C2CD2: variants seen among roughly 807,000 people sequenced by gnomAD.
C2CD2 encodes C2 domain-containing protein 2.
Under a neutral mutation model 74.3 loss-of-function variants are expected in C2CD2, and 43 were observed. The observed-to-expected ratio is 0.58, with a 90% confidence interval of 0.45 to 0.75. The LOEUF (loss-of-function observed/expected upper bound fraction) is 0.75. Ranked by LOEUF, C2CD2 falls within the 30% of genes least tolerant of loss-of-function variation. The pLI, the probability that C2CD2 is intolerant of heterozygous loss-of-function variation, is 0.00. For synonymous variants in C2CD2, 422 were observed against 390.7 expected, an observed-to-expected ratio of 1.08 and a Z score of -0.94; for missense variants, 801 against 916.3, an observed-to-expected ratio of 0.87 and a Z score of 1.63.
chr21:41,900,090 A>C lies in C2CD2; in HGVS notation c.1561-728T>G, dbSNP rs114136109. The stretch of plus-strand genomic sequence containing the variant: ...AGCGCCCACTGACTCAAGATTAGAT[A>C]ATCTCCCCGTCTCTACTTAAAAAAG... On this transcript the variant is annotated intron_variant, in intron 12 of 13. Coordinates refer to ENST00000380486, the MANE Select transcript of C2CD2 (RefSeq NM_015500.2). Among the ~76,000 whole-genome samples the C allele has an allele frequency of 8.3e-3, 1,267 of 151,952 alleles. 24 individuals carry two copies. Among genetic ancestry groups the C allele is most frequent in the African/African-American group, 0.028 (1,162 of 41,428 alleles).
Position 41,926,575 on chromosome 21 carries a change from T to C in C2CD2, c.379-4490A>G, listed in dbSNP as rs1569075948. Reference sequence around the variant, plus strand: ...TTGACCTCATGTAGTCACATACCTATGCAAACAGCGCTTATCTGGAAACTA... The same window carrying C: ...TTGACCTCATGTAGTCACATACCTACGCAAACAGCGCTTATCTGGAAACTA... On this transcript the variant is annotated intron_variant, in intron 2 of 13. Coordinates refer to ENST00000380486, the MANE Select transcript of C2CD2 (RefSeq NM_015500.2). This position sits in a 1 kb window ranked among gnomAD's most constrained non-coding sequence, Gnocchi z 8.0. 3.1e-6 allele frequency: 3 copies of C among 957,888 alleles called. No individual in the cohort carries two copies. The highest frequency in any genetic ancestry group is 3.7e-6 in the Non-Finnish European group (3 of 804,980). 59.3% of individuals were successfully genotyped at this position (957,888 alleles called of 1,614,324 possible). A position where few individuals can be genotyped will look rare whatever the true frequency, so the allele number is the denominator to read the frequency against.
rs1330105450 is a variant in C2CD2 at position 41,903,486 on chromosome 21, G to A, written c.1433-1737C>T. On this transcript the variant is annotated intron_variant, in intron 11 of 13. Transcript: ENST00000380486. The surrounding 1 kb of genome is among the most constrained non-coding windows in gnomAD (Gnocchi z 4.5). ...AGGACACCCAGTTGGTGTCTGCAGA[G>A]AAACAGAAAATTGCTTGCCATAGAA... 6.6e-6 allele frequency among the ~76,000 whole-genome samples: 1 copy of A among 151,918 alleles called. No individual in the cohort carries two copies. Among genetic ancestry groups the A allele is most frequent in the Non-Finnish European group, 1.5e-5 (1 of 67,972 alleles).
At chr21:41,950,843 A>G (rs1205346081) in intron 1 of C2CD2, among the ~76,000 whole-genome samples, 6 of 152,222 alleles carry the variant, frequency 3.9e-5, no homozygotes, top group Non-Finnish European at 2.9e-5. Context: ...TCCACTTTTC[A>G]GACAGAATGC....
chr21:41,921,926 A>C, intron 3 of C2CD2, 46 bp downstream of exon 3: 1 of 1,176,356 alleles, frequency 8.5e-7, no homozygotes, highest in Non-Finnish European at 1.3e-6. Flanking sequence ...CACATTTCTG[A>C]GAACTGTGAC....
At chr21:41,891,843 AC>A (rs1201307199) in intron 13 of C2CD2, among the ~76,000 whole-genome samples, 1 of 151,988 alleles carries the variant, frequency 6.6e-6, no homozygotes, top group African/African-American at 2.4e-5. Flanking sequence ...AGGACTCAGA[AC>A]CCCCAGCAGT....
intron 9 of C2CD2, among the ~76,000 whole-genome samples, chr21:41,907,444 G>A (rs1184835675): frequency 6.6e-6 from 1 of 152,210 alleles, no homozygotes; most frequent in African/African-American, 2.4e-5. Flanking sequence ...ATGGCATCCT[G>A]AACAGTTATC....
chr21:41,890,617 G>A (rs918373728), intron 13 of C2CD2, among the ~76,000 whole-genome samples: 1 of 152,218 alleles, frequency 6.6e-6, no homozygotes, highest in African/African-American at 2.4e-5. Context: ...ATCATGAAGA[G>A]GAGCTTTATA....
chr21:41,911,252 C>T (rs895869324), intron 7 of C2CD2, among the ~76,000 whole-genome samples: 2 of 152,084 alleles, frequency 1.3e-5, no homozygotes, highest in Admixed American at 1.3e-4. Flanking sequence ...AGAAAGCACA[C>T]ATACATCCTT....
chr21:41,941,883 T>C (rs1316535419), intron 2 of C2CD2, among the ~76,000 whole-genome samples: 1 of 152,202 alleles, frequency 6.6e-6, no homozygotes, highest in Non-Finnish European at 1.5e-5. Flanking sequence ...TGTCCAGCTT[T>C]TTCTACTTGA....
rs1001803027 is a variant in C2CD2, at chr21:41,924,447, G to C, written c.379-2362C>G. ...TTTCTACCGGTTCTTATAACGCCAC[G>C]TTCAGAAGACTGATACACATGAGTT... On this transcript the variant is annotated intron_variant, in intron 2 of 13. Transcript: ENST00000380486. This position sits in a 1 kb window ranked among gnomAD's most constrained non-coding sequence, Gnocchi z 4.4. Among the ~76,000 whole-genome samples the C allele has an allele frequency of 2.0e-5, 3 of 152,202 alleles. No homozygotes were observed. The highest frequency in any genetic ancestry group is 4.8e-5 in the African/African-American group (2 of 41,442).
rs2065111750 is a variant in C2CD2 at position 41,918,050 on chromosome 21, G to A, written c.720+55C>T. On this transcript the variant is annotated intron_variant, in intron 5 of 13. Coordinates refer to ENST00000380486, the MANE Select transcript of C2CD2 (RefSeq NM_015500.2). The stretch of plus-strand genomic sequence containing the variant: ...CGCACACAGATTCTCCAAGAGAGGT[G>A]GGCCATGGTGCCTAACGGGGTTCAG... 4 of 1,603,490 alleles carry A rather than the reference G, an allele frequency of 2.5e-6. No individual in the cohort carries two copies. In the South Asian group the frequency reaches 3.3e-5, roughly 13 times the overall value.
chr21:41,914,324 T>A (rs7282233), intron 6 of C2CD2, among the ~76,000 whole-genome samples: 35,962 of 143,670 alleles, frequency 0.25, 4,462 homozygotes, highest in African/African-American at 0.29. Flanking sequence ...AAAGAAAAGA[T>A]AAAAAAGGCA....
At chr21:41,928,020 C>T (rs1024646857) in intron 2 of C2CD2, among the ~76,000 whole-genome samples, 1 of 152,176 alleles carries the variant, frequency 6.6e-6, no homozygotes, top group Non-Finnish European at 1.5e-5. Flanking sequence ...ATGCATCACA[C>T]GGTTTAATGT....
intron 8 of C2CD2, among the ~76,000 whole-genome samples, chr21:41,909,154 G>A (rs2064998524): frequency 6.6e-6 from 1 of 152,172 alleles, no homozygotes; most frequent in Admixed American, 6.5e-5. Context: ...TCCAAAAAAA[G>A]GAGGTCTCTT....
Position 41,892,994 on chromosome 21 carries a change from T to G in C2CD2, c.1871-3650A>C, listed in dbSNP as rs983141327. 8.5e-5 allele frequency among the ~76,000 whole-genome samples: 13 copies of G among 152,260 alleles called. No individual in the cohort carries two copies. Among genetic ancestry groups the G allele is most frequent in the African/African-American group, 3.1e-4 (13 of 41,540 alleles). ...GGTGTGGAGACAGGCAAGGCACGGC[T>G]GTGTTCAAAAGACCTTAGAACAGGA... On this transcript the variant is annotated intron_variant, in intron 13 of 13. Coordinates refer to ENST00000380486, the MANE Select transcript of C2CD2 (RefSeq NM_015500.2). This position sits in a 1 kb window ranked among gnomAD's most constrained non-coding sequence, Gnocchi z 4.6.
At position 41,885,389 on chromosome 21, in the gene C2CD2, G is replaced by C. The variant is rs1343293327; in HGVS notation, c.*3735C>G. 2 of 152,612 alleles carry C rather than the reference G, an allele frequency of 1.3e-5. No individual in the cohort carries two copies. Among genetic ancestry groups the C allele is most frequent in the East Asian group, 3.8e-4 (2 of 5,196 alleles). 9.5% of individuals were successfully genotyped at this position (152,612 alleles called of 1,614,324 possible). The stretch of plus-strand genomic sequence containing the variant: ...TGGTAGAGTAAACAACAAACCACAA[G>C]CCTAAATGATGAATGGTGCGCTGCT... On this transcript the variant is annotated 3_prime_UTR_variant, in exon 14 of 14. Coordinates refer to ENST00000380486, the MANE Select transcript of C2CD2 (RefSeq NM_015500.2).
intron 1 of C2CD2, among the ~76,000 whole-genome samples, chr21:41,944,680 A>G (rs1258379145): frequency 6.6e-6 from 1 of 152,174 alleles, no homozygotes; most frequent in Non-Finnish European, 1.5e-5. Flanking sequence ...CCTGCCTGCC[A>G]CACACAACCA....
At chr21:41,952,101 A>G (rs2065454785) in intron 1 of C2CD2, among the ~76,000 whole-genome samples, 1 of 152,180 alleles carries the variant, frequency 6.6e-6, no homozygotes, top group Non-Finnish European at 1.5e-5. Flanking sequence ...CCCACAAGAG[A>G]CAGCTGGTTT....
intron 3 of C2CD2, among the ~76,000 whole-genome samples, chr21:41,920,106 G>A (rs564870217): frequency 3.3e-5 from 5 of 152,302 alleles, no homozygotes; most frequent in Non-Finnish European, 7.3e-5. Flanking sequence ...ACTCAGTCCC[G>A]TAATCCCATG....
Sources: allele counts gnomAD v4.1 joint callset (sites outside exome capture counted in the v4.1 genomes callset), GRCh38; gene constraint gnomAD v4.1.1; non-coding constraint Gnocchi (gnomAD v3.1); transcripts MANE v1.5; gene names NCBI Gene and HGNC (gene_info 2026-07-23, HGNC 2026-07-21).